The following TF variants were observed in gnomAD, a reference collection of about 807,000 sequenced individuals.
TF encodes the protein transferrin, also known as serotransferrin.
TF carries 55 observed loss-of-function variants against 82.4 expected under a neutral mutation model. The ratio of observed to expected loss-of-function variants is 0.67; its 90% CI spans 0.54 to 0.84. TF has a LOEUF of 0.84. Ranked by LOEUF, TF falls within the 40% of genes least tolerant of loss-of-function variation. The pLI is 0.00. For synonymous variants in TF, 332 were observed against 332.6 expected (o/e 1.00, Z 0.02); for missense variants, 737 against 868.4 (o/e 0.85, Z 1.90).
the TF span, among the ~76,000 whole-genome samples, chr3:133,736,631 C>CAAAAAAGAAAAAA: frequency 7.5e-3 from 244 of 32,560 alleles, 17 homozygotes; most frequent in Admixed American, 0.019. Context: ...AATGGAAAGC[C>CAAAAAAGAAAAAA]AAAAAAAAAA....
At chr3:133,674,574 G>C in the TF span, among the ~76,000 whole-genome samples, 1 of 152,192 alleles carries the variant, frequency 6.6e-6, no homozygotes, top group Admixed American at 6.5e-5. Flanking sequence ...GCGAGAGTGG[G>C]GTGGGTGACG....
At chr3:133,662,261 C>A in the TF span, 1 of 152,220 alleles carries the variant, frequency 6.6e-6, no homozygotes, top group Admixed American at 6.5e-5. Flanking sequence ...CAGGCATGCA[C>A]GGGAAAAGGT....
At position 133,755,414 on chromosome 3, in the gene TF, A is replaced by T. The variant is rs2107915007; in HGVS notation, c.554A>T (p.Asp185Val). The change falls in exon 5 of 17, where the codon GAC becomes GTC. Residue 185 changes from aspartate to valine, a missense_variant. By Grantham distance (152) the Asp-to-Val change is radical. Coordinates refer to ENST00000402696, the MANE Select transcript of TF (RefSeq NM_001063.4). ...TGTGCCCCTTGTGCGGATGGGACGG[A>T]CTTCCCCCAGCTGTGTCAACTGTGT... ...GSCAPCADGT[D>V]FPQLCQLCPG... is the part of the protein sequence containing the mutation. 1 of 1,614,118 alleles carries T rather than the reference A, an allele frequency of 6.2e-7. No individual in the cohort carries two copies.
the TF span, among the ~76,000 whole-genome samples, chr3:133,666,644 C>G: frequency 3.3e-5 from 5 of 152,154 alleles, no homozygotes; most frequent in Admixed American, 6.5e-5. Context: ...TTAGCACATT[C>G]TATTCTATGT....
At chr3:133,725,571 T>A in the TF span, among the ~76,000 whole-genome samples, 2 of 151,828 alleles carry the variant, frequency 1.3e-5, no homozygotes, top group Admixed American at 6.6e-5. Flanking sequence ...GACAATGGGG[T>A]TTTCTAGATA....
In TF at chr3:133,779,253, G is replaced by A. The variant is rs1934466666; in HGVS notation, c.*633G>A. 6.5e-6 allele frequency: 1 copy of A among 153,610 alleles called. No homozygotes were observed. The allele number at this position is 153,610 out of a possible 1,614,324, so 9.5% of individuals were successfully genotyped here. On this transcript the variant is annotated 3_prime_UTR_variant, in exon 17 of 17. Coordinates refer to ENST00000402696, the MANE Select transcript of TF (RefSeq NM_001063.4). ...ATTCCCTGAGCTTGATGCCACAGCA[G>A]TTACTGCCCTGTCTCCTGCCCTTCT...
the TF span, among the ~76,000 whole-genome samples, chr3:133,682,214 A>G: frequency 2.6e-5 from 4 of 152,208 alleles, no homozygotes; most frequent in African/African-American, 9.6e-5. Context: ...CACCATCATC[A>G]AAGACCAAAG....
chr3:133,768,178 C>A lies in TF; in HGVS notation c.1622+14C>A, dbSNP rs41295806. On this transcript the variant is annotated intron_variant, in intron 13 of 16. Coordinates refer to ENST00000402696, the MANE Select transcript of TF (RefSeq NM_001063.4). ...AGGCGCTTTCAGGTGAGTCTTTTAA[C>A]CCTGAAACAAATAGAATAATATACA... The A allele has an allele frequency of 3.1e-6, 5 of 1,614,078 alleles. No individual in the cohort carries two copies. Among genetic ancestry groups the A allele is most frequent in the East Asian group, 2.2e-5 (1 of 44,884 alleles).
chr3:133,664,992 G>A, the TF span: 2 of 152,108 alleles, frequency 1.3e-5, no homozygotes, highest in African/African-American at 4.8e-5. Flanking sequence ...CATTGCCCAT[G>A]TGCAAGGATG....
rs1246954681 is a variant in TF, at chr3:133,757,865, A to G, written c.967A>G (p.Lys323Glu). The change falls in exon 8 of 17, where the codon AAA becomes GAA. Residue 323 changes from lysine (K) to glutamate (E), a missense_variant. Lys to Glu is a moderately conservative substitution (Grantham distance 56, BLOSUM62 1). Transcript: ENST00000402696. Reference protein sequence around the residue: ...LFKDSAHGFLKVPPRMDAKMY... With the variant: ...LFKDSAHGFLEVPPRMDAKMY... ...TAAGGACTCTGCCCACGGGTTTTTA[A>G]AAGTCCCCCCCAGGATGGATGCCAA... The G allele has an allele frequency of 8.1e-6, 13 of 1,614,216 alleles. No homozygotes were observed. The highest frequency in any genetic ancestry group is 1.0e-5 in the Non-Finnish European group (12 of 1,180,028).
At chr3:133,687,341 T>C in the TF span, among the ~76,000 whole-genome samples, 5 of 151,038 alleles carry the variant, frequency 3.3e-5, no homozygotes, top group African/African-American at 4.9e-5. Flanking sequence ...ACTTAAAGTA[T>C]AATTTAAAAA....
the TF span, among the ~76,000 whole-genome samples, chr3:133,726,216 A>G: frequency 1.3e-5 from 2 of 151,800 alleles, no homozygotes; most frequent in African/African-American, 2.4e-5. Flanking sequence ...TGATTGGAAT[A>G]GTCTCAGAAG....
At chr3:133,749,619 T>C (rs1933605910) in intron 2 of TF, among the ~76,000 whole-genome samples, 1 of 152,172 alleles carries the variant, frequency 6.6e-6, no homozygotes, top group Non-Finnish European at 1.5e-5. Flanking sequence ...GGACTGAGCC[T>C]GGGTGGGCTC....
rs8177264 is a variant in TF at position 133,762,299 on chromosome 3, G to C, written c.1204-1883G>C. ...CAAAAGGAACTAACAGAACTAACTT[G>C]AAAGAAAGGACTTACAGGAACTTGA... On this transcript the variant is annotated intron_variant, in intron 9 of 16. Coordinates refer to ENST00000402696, the MANE Select transcript of TF (RefSeq NM_001063.4). 3.2e-3 allele frequency: 555 copies of C among 172,646 alleles called. 4 individuals are homozygous for C. Among genetic ancestry groups the C allele is most frequent in the African/African-American group, 0.013 (530 of 42,346 alleles). 10.7% of individuals were successfully genotyped at this position (172,646 alleles called of 1,614,324 possible). A position where few individuals can be genotyped will look rare whatever the true frequency, so the allele number is the denominator to read the frequency against.
At chr3:133,664,483 C>T in the TF span, among the ~76,000 whole-genome samples, 3 of 152,000 alleles carry the variant, frequency 2.0e-5, no homozygotes, top group Non-Finnish European at 2.9e-5. Context: ...CCATCGCACC[C>T]GGCTAATTTT....
At chr3:133,716,363 C>T in the TF span, among the ~76,000 whole-genome samples, 1 of 152,162 alleles carries the variant, frequency 6.6e-6, no homozygotes, top group Non-Finnish European at 1.5e-5. Flanking sequence ...ACACTCCCAC[C>T]CAAGTGCTGC....
At chr3:133,767,772 C>T (rs1559875851) in intron 12 of TF, among the ~76,000 whole-genome samples, 1 of 152,146 alleles carries the variant, frequency 6.6e-6, no homozygotes, top group African/African-American at 2.4e-5. Flanking sequence ...CTTTGTTTAG[C>T]GTAGTGATGA....
At chr3:133,770,212 C>T (rs1418691907) in intron 13 of TF, among the ~76,000 whole-genome samples, 1 of 152,150 alleles carries the variant, frequency 6.6e-6, no homozygotes, top group Non-Finnish European at 1.5e-5. Flanking sequence ...GAGGCATCAC[C>T]TCACTGAAAA....
the TF span, among the ~76,000 whole-genome samples, chr3:133,738,023 A>G: frequency 6.6e-6 from 1 of 152,244 alleles, no homozygotes; most frequent in Non-Finnish European, 1.5e-5. Flanking sequence ...AGAAAATTTC[A>G]GGTCAATATC....
Sources: allele counts gnomAD v4.1 joint callset (sites outside exome capture counted in the v4.1 genomes callset), GRCh38; gene constraint gnomAD v4.1.1; transcripts MANE v1.5; gene names NCBI Gene and HGNC (gene_info 2026-07-23, HGNC 2026-07-21).